Variants in GPATCH2 observed in about 807,000 individuals in gnomAD.
GPATCH2 encodes the protein G patch domain-containing protein 2.
GPATCH2 carries 51 observed loss-of-function variants against 58.0 expected under a neutral mutation model. That is an observed-to-expected ratio of 0.88 (90% confidence interval 0.70 to 1.11). The LOEUF is 1.11. Ranked by LOEUF, GPATCH2 falls within the 50% of genes most tolerant of loss-of-function variation. The pLI is 0.00. For synonymous variants in GPATCH2, 222 were observed against 218.5 expected (o/e 1.02, Z -0.14); for missense variants, 625 against 652.2 (o/e 0.96, Z 0.45).
rs113201396 is a variant in GPATCH2 at position 217,604,424 on chromosome 1, T to C, written c.1098+5897A>G. On this transcript the variant is annotated intron_variant, in intron 5 of 9. Transcript: ENST00000366935. ...TTTGAAATAAGATAAAATTAATATA[T>C]AGTAATAGATCAGAATATACATGAC... Among the ~76,000 whole-genome samples, 1,100 of 151,962 alleles carry C rather than the reference T, an allele frequency of 7.2e-3. 15 individuals carry two copies. The highest frequency in any genetic ancestry group is 0.025 in the African/African-American group (1,046 of 41,464).
intron 5 of GPATCH2, among the ~76,000 whole-genome samples, chr1:217,534,444 C>T (rs893004326): frequency 6.6e-6 from 1 of 151,952 alleles, no homozygotes; most frequent in African/African-American, 2.4e-5. Flanking sequence ...AGTTGCCCAT[C>T]TTCTTATTAG....
At chr1:217,569,848 C>T (rs939164059) in intron 5 of GPATCH2, among the ~76,000 whole-genome samples, 2 of 151,996 alleles carry the variant, frequency 1.3e-5, no homozygotes, top group African/African-American at 2.4e-5. Context: ...AAAATGTAAA[C>T]TGGAGCTAAT....
intron 5 of GPATCH2, among the ~76,000 whole-genome samples, chr1:217,543,220 A>G (rs544739871): frequency 6.6e-6 from 1 of 151,024 alleles, no homozygotes; most frequent in Admixed American, 6.6e-5. Flanking sequence ...AGTCAGTTTT[A>G]GATTTATGTC....
chr1:217,609,870 A>T, intron 5 of GPATCH2: 1 of 1,040,230 alleles, frequency 9.6e-7, no homozygotes. Context: ...AGTATACATA[A>T]ATGGATTCAA....
chr1:217,511,600 G>A (rs887125977), intron 6 of GPATCH2, among the ~76,000 whole-genome samples: 9 of 152,160 alleles, frequency 5.9e-5, no homozygotes, highest in African/African-American at 1.9e-4. Context: ...ATTCCAGCTA[G>A]GAAGTTGGGG....
chr1:217,554,700 T>C (rs919402949), intron 5 of GPATCH2, among the ~76,000 whole-genome samples: 6 of 152,198 alleles, frequency 3.9e-5, no homozygotes, highest in Admixed American at 2.0e-4. Flanking sequence ...ATGTAAATCC[T>C]ATACAAATTA....
intron 5 of GPATCH2, among the ~76,000 whole-genome samples, chr1:217,545,235 T>C (rs1664976928): frequency 6.6e-6 from 1 of 152,192 alleles, no homozygotes; most frequent in East Asian, 1.9e-4. Flanking sequence ...AATCAGAGAT[T>C]CCAGGTGACC....
At chr1:217,434,764 T>C (rs1658732179) in intron 9 of GPATCH2, among the ~76,000 whole-genome samples, 1 of 152,210 alleles carries the variant, frequency 6.6e-6, no homozygotes, top group Non-Finnish European at 1.5e-5. Flanking sequence ...TTCACTATTA[T>C]AATTGAAAAA....
intron 5 of GPATCH2, among the ~76,000 whole-genome samples, chr1:217,568,789 G>A (rs1187348402): frequency 6.6e-6 from 1 of 152,168 alleles, no homozygotes; most frequent in Admixed American, 6.5e-5. Context: ...CCATTCAAGA[G>A]TTCTGAGTAT....
intron 2 of GPATCH2, among the ~76,000 whole-genome samples, chr1:217,616,259 C>T (rs957438333): frequency 3.3e-5 from 5 of 152,146 alleles, no homozygotes; most frequent in East Asian, 3.8e-4. Context: ...CATACACACA[C>T]GTGTACATTA....
chr1:217,570,175 A>T (rs945162498), intron 5 of GPATCH2, among the ~76,000 whole-genome samples: 1 of 152,112 alleles, frequency 6.6e-6, no homozygotes. Context: ...GCAGTGGCTC[A>T]ATCTCGGCTG....
chr1:217,508,265 A>G (rs914201791), intron 6 of GPATCH2, among the ~76,000 whole-genome samples: 3 of 152,160 alleles, frequency 2.0e-5, no homozygotes, highest in Admixed American at 6.5e-5. Context: ...TCAAAGTGTA[A>G]AAGTATTCCC....
intron 5 of GPATCH2, among the ~76,000 whole-genome samples, chr1:217,587,701 A>G (rs916918199): frequency 3.9e-5 from 6 of 152,204 alleles, no homozygotes; most frequent in Non-Finnish European, 8.8e-5. Context: ...GATGGAAAGG[A>G]GAGATGCAAA....
At chr1:217,593,435 T>A (rs1032166732) in intron 5 of GPATCH2, among the ~76,000 whole-genome samples, 1 of 151,896 alleles carries the variant, frequency 6.6e-6, no homozygotes, top group Non-Finnish European at 1.5e-5. Flanking sequence ...AAAAGGAGAG[T>A]GCAACTTTCA....
intron 9 of GPATCH2, among the ~76,000 whole-genome samples, chr1:217,443,584 C>T (rs980747605): frequency 1.3e-5 from 2 of 151,996 alleles, no homozygotes; most frequent in African/African-American, 4.8e-5. Flanking sequence ...TCTAAAAATT[C>T]TTATTTTCCT....
intron 5 of GPATCH2, among the ~76,000 whole-genome samples, chr1:217,530,693 A>G (rs879765125): frequency 3.3e-5 from 5 of 152,200 alleles, no homozygotes; most frequent in Admixed American, 3.3e-4. Context: ...GTGCAGATAC[A>G]TATTTAGTTT....
intron 5 of GPATCH2, among the ~76,000 whole-genome samples, chr1:217,555,018 C>G (rs1467836488): frequency 1.3e-5 from 2 of 152,274 alleles, no homozygotes; most frequent in African/African-American, 4.8e-5. Flanking sequence ...AATCACTCAT[C>G]AGTTTGCTCA....
intron 8 of GPATCH2, among the ~76,000 whole-genome samples, chr1:217,485,966 T>C (rs1661436260): frequency 6.6e-6 from 1 of 152,222 alleles, no homozygotes; most frequent in Non-Finnish European, 1.5e-5. Flanking sequence ...AATAACGTAG[T>C]GTTAGCATTT....
intron 6 of GPATCH2, among the ~76,000 whole-genome samples, chr1:217,512,113 G>A (rs1662885480): frequency 1.3e-5 from 2 of 152,080 alleles, no homozygotes; most frequent in African/African-American, 4.8e-5. Context: ...CTTGAACCCA[G>A]GAGTTCAAGA....
Sources: allele counts gnomAD v4.1 joint callset (sites outside exome capture counted in the v4.1 genomes callset), GRCh38; gene constraint gnomAD v4.1.1; transcripts MANE v1.5; gene names NCBI Gene and HGNC (gene_info 2026-07-23, HGNC 2026-07-21).